Variants in SCFD2 observed in about 807,000 individuals in gnomAD.
SCFD2 encodes sec1 family domain-containing protein 2.
In SCFD2, 54 loss-of-function variants were observed where a neutral mutation model predicts 58.9. The observed-to-expected ratio is 0.92, with a 90% confidence interval of 0.74 to 1.15. The LOEUF is 1.15. Among genes scored for constraint, SCFD2 ranks in the 50% most tolerant of loss-of-function variants. The probability of loss-of-function intolerance (pLI) is 0.00; values close to 1 mark genes in which losing one functional copy is unlikely to be tolerated. For synonymous variants in SCFD2, 321 were observed against 335.9 expected (o/e 0.96, Z 0.49); for missense variants, 805 against 836.6 (o/e 0.96, Z 0.47).
At chr4:53,179,880 C>G (rs147915678) in intron 4 of SCFD2, among the ~76,000 whole-genome samples, 1 of 151,880 alleles carries the variant, frequency 6.6e-6, no homozygotes, top group Non-Finnish European at 1.5e-5. Context: ...ACTTTAAACC[C>G]ACAAAGATCA....
chr4:53,029,072 AT>A (rs1722551779), intron 5 of SCFD2, among the ~76,000 whole-genome samples: 1 of 152,232 alleles, frequency 6.6e-6, no homozygotes, highest in Admixed American at 6.5e-5. Flanking sequence ...AGTAACAAAA[AT>A]AATTCTATTC....
At chr4:53,291,892 T>C (rs564705407) in intron 3 of SCFD2, among the ~76,000 whole-genome samples, 20 of 152,208 alleles carry the variant, frequency 1.3e-4, no homozygotes, top group African/African-American at 4.1e-4. Context: ...GGATTCATAT[T>C]TAACAAATGA....
At chr4:53,202,485 C>G (rs1459569530) in intron 4 of SCFD2, among the ~76,000 whole-genome samples, 3 of 150,780 alleles carry the variant, frequency 2.0e-5, no homozygotes, top group East Asian at 3.9e-4. Context: ...GTTCTTTTGG[C>G]TTAGGATTGA....
intron 5 of SCFD2, among the ~76,000 whole-genome samples, chr4:53,102,872 G>A (rs554306826): frequency 6.6e-6 from 1 of 151,962 alleles, no homozygotes; most frequent in East Asian, 1.9e-4. Flanking sequence ...AAACAATAAG[G>A]TACCCAAATT....
intron 4 of SCFD2, among the ~76,000 whole-genome samples, chr4:53,148,981 G>C (rs539302315): frequency 3.7e-4 from 56 of 152,322 alleles, no homozygotes; most frequent in Non-Finnish European, 7.1e-4. Flanking sequence ...GTGCAACAGA[G>C]CAAGACCCTG....
chr4:52,875,027 C>G (rs578099696), intron 8 of SCFD2, among the ~76,000 whole-genome samples: 1 of 152,178 alleles, frequency 6.6e-6, no homozygotes, highest in Non-Finnish European at 1.5e-5. Context: ...GAAATAGATA[C>G]GTTTATTTTT....
At chr4:53,029,555 A>G (rs1410794571) in intron 5 of SCFD2, among the ~76,000 whole-genome samples, 2 of 152,252 alleles carry the variant, frequency 1.3e-5, no homozygotes, top group Non-Finnish European at 2.9e-5. Flanking sequence ...TCATTAAGCT[A>G]TAAACAACAA....
At chr4:52,955,653 T>A (rs2109535101) in intron 5 of SCFD2, among the ~76,000 whole-genome samples, 1 of 152,336 alleles carries the variant, frequency 6.6e-6, no homozygotes, top group African/African-American at 2.4e-5. Context: ...TTACTTTAAA[T>A]ACCTCTGAAA....
intron 3 of SCFD2, among the ~76,000 whole-genome samples, chr4:53,280,363 A>C (rs1731472159): frequency 6.6e-6 from 1 of 152,286 alleles, no homozygotes; most frequent in South Asian, 2.1e-4. Context: ...TGAAAGTACA[A>C]AAATTAGCCA....
chr4:53,043,170 T>G (rs1435907589), intron 5 of SCFD2, among the ~76,000 whole-genome samples: 1 of 152,054 alleles, frequency 6.6e-6, no homozygotes, highest in Admixed American at 6.6e-5. Flanking sequence ...AACATCTCAA[T>G]AAAGCTCAGC....
At chr4:53,325,673 T>G (rs1348947702) in intron 2 of SCFD2, among the ~76,000 whole-genome samples, 3 of 152,238 alleles carry the variant, frequency 2.0e-5, no homozygotes, top group Non-Finnish European at 2.9e-5. Flanking sequence ...GAAGTCACTA[T>G]ACAAGACTTT....
intron 5 of SCFD2, among the ~76,000 whole-genome samples, chr4:53,094,051 G>T (rs1724548191): frequency 6.6e-6 from 1 of 152,136 alleles, no homozygotes. Context: ...TTACAAGGAT[G>T]TAGGTTTAAG....
intron 4 of SCFD2, among the ~76,000 whole-genome samples, chr4:53,233,017 C>T (rs17082533): frequency 3.3e-5 from 5 of 152,126 alleles, no homozygotes; most frequent in Non-Finnish European, 5.9e-5. Context: ...CTCTCGGAAT[C>T]CTTAAGTCAG....
At chr4:53,203,865 C>T (rs1328513265) in intron 4 of SCFD2, among the ~76,000 whole-genome samples, 2 of 152,092 alleles carry the variant, frequency 1.3e-5, no homozygotes, top group South Asian at 2.1e-4. Flanking sequence ...CCAGATCACT[C>T]AGCAGGAGGT....
intron 4 of SCFD2, among the ~76,000 whole-genome samples, chr4:53,196,397 G>A (rs1728057299): frequency 6.6e-6 from 1 of 152,136 alleles, no homozygotes; most frequent in African/African-American, 2.4e-5. Context: ...CTTCCTACTT[G>A]CAGTCCACAT....
chr4:53,294,767 T>C (rs970843812), intron 3 of SCFD2, among the ~76,000 whole-genome samples: 22 of 152,334 alleles, frequency 1.4e-4, no homozygotes, highest in African/African-American at 5.1e-4. Flanking sequence ...GTTTTTATGG[T>C]TTCAGGTATT....
intron 5 of SCFD2, among the ~76,000 whole-genome samples, chr4:53,142,744 C>T (rs1726207583): frequency 1.3e-5 from 2 of 152,158 alleles, no homozygotes; most frequent in Admixed American, 1.3e-4. Context: ...CTTTTCAGTA[C>T]ATTTTTGATT....
At chr4:52,911,035 C>T (rs566126526) in intron 6 of SCFD2, among the ~76,000 whole-genome samples, 69 of 151,996 alleles carry the variant, frequency 4.5e-4, no homozygotes, top group South Asian at 2.5e-3. Flanking sequence ...CGGACTAATG[C>T]AACCCCTTAA....
At chr4:53,339,527 T>C (rs1733795242) in intron 2 of SCFD2, among the ~76,000 whole-genome samples, 1 of 152,184 alleles carries the variant, frequency 6.6e-6, no homozygotes, top group Non-Finnish European at 1.5e-5. Context: ...CCCAGCACTT[T>C]GGGAGGCCGA....
Sources: allele counts gnomAD v4.1 joint callset (sites outside exome capture counted in the v4.1 genomes callset), GRCh38; gene constraint gnomAD v4.1.1; transcripts MANE v1.5; gene names NCBI Gene and HGNC (gene_info 2026-07-23, HGNC 2026-07-21).